The following HRK variants were observed in gnomAD, a reference collection of about 807,000 sequenced individuals.
The protein encoded by HRK is harakiri, BCL2 interacting protein, also known as activator of apoptosis harakiri.
HRK carries 6 observed loss-of-function variants against 5.9 expected under a neutral mutation model. The ratio of observed to expected loss-of-function variants is 1.02; its 90% CI spans 0.56 to 2.01. The LOEUF (loss-of-function observed/expected upper bound fraction) is 2.01, where lower values mean the gene tolerates loss of function less well. Ranked by LOEUF, HRK falls within the 30% of genes most tolerant of loss-of-function variation. The probability of loss-of-function intolerance (pLI) is 0.00; values close to 1 mark genes in which losing one functional copy is unlikely to be tolerated. For missense variants in HRK, 133 were observed against 128.3 expected (o/e 1.04, Z -0.18); for synonymous variants, 85 against 65.1 (o/e 1.31, Z -1.47).
At chr12:116,873,193 T>C (rs1026729223) in intron 1 of HRK, among the ~76,000 whole-genome samples, 3 of 152,240 alleles carry the variant, frequency 2.0e-5, no homozygotes, top group African/African-American at 7.2e-5. Flanking sequence ...CAGAGTGCAG[T>C]GGCACAATCA....
In HRK at chr12:116,860,619, C is replaced by T. The variant is rs1306711147; in HGVS notation, c.*904G>A. On this transcript the variant is annotated 3_prime_UTR_variant, in exon 2 of 2. Transcript: ENST00000257572. ...CTCAATGCCATCCTCCCTCCTAGAC[C>T]CCAAGGTTTGCTCCAAACCACCTCT... 6.6e-6 allele frequency: 1 copy of T among 151,908 alleles called. No homozygotes were observed. The highest frequency in any genetic ancestry group is 2.4e-5 in the African/African-American group (1 of 41,312). 9.4% of individuals were successfully genotyped at this position (151,908 alleles called of 1,614,324 possible).
Position 116,860,233 on chromosome 12 carries a change from AAG to A in HRK, c.*1288_*1289del, listed in dbSNP as rs1316993950. ...AGCAAAAAATAATCACTGCTCCCTG[AAG>A]AGTCTTTGCAGCCAAGTCTCCGTCC... On this transcript the variant is annotated 3_prime_UTR_variant, in exon 2 of 2. Transcript: ENST00000257572. 2 of 152,230 alleles carry A rather than the reference AAG, an allele frequency of 1.3e-5. No homozygotes were observed. The highest frequency in any genetic ancestry group is 4.8e-5 in the African/African-American group (2 of 41,460). 9.4% of individuals were successfully genotyped at this position (152,230 alleles called of 1,614,324 possible).
At chr12:116,870,694 C>T (rs12316109) in intron 1 of HRK, among the ~76,000 whole-genome samples, 4,041 of 152,042 alleles carry the variant, frequency 0.027, 177 homozygotes, top group African/African-American at 0.092. Flanking sequence ...TCTCAGCTAC[C>T]GGAGAGGCAA....
At chr12:116,866,335 T>C (rs550882117) in intron 1 of HRK, among the ~76,000 whole-genome samples, 37 of 150,416 alleles carry the variant, frequency 2.5e-4, no homozygotes, top group Non-Finnish European at 4.1e-4. Flanking sequence ...GGCAGGAGGA[T>C]TGCTTGAGCC....
rs559315674 is a variant in HRK, at chr12:116,859,501, A to T, written c.*2022T>A. 3.3e-5 allele frequency: 5 copies of T among 152,312 alleles called. No homozygotes were observed. Among genetic ancestry groups the T allele is most frequent in the African/African-American group, 9.6e-5 (4 of 41,582 alleles). 9.4% of individuals were successfully genotyped at this position (152,312 alleles called of 1,614,324 possible). A position where few individuals can be genotyped will look rare whatever the true frequency, so the allele number is the denominator to read the frequency against. Reference sequence around the variant, plus strand: ...TATTCTAATGAATTTGCCTTCTCTAAGTTCGTAGCTTTGTGGGAATATTAC... The same window carrying T: ...TATTCTAATGAATTTGCCTTCTCTATGTTCGTAGCTTTGTGGGAATATTAC... On this transcript the variant is annotated 3_prime_UTR_variant, in exon 2 of 2. Transcript: ENST00000257572.
intron 1 of HRK, chr12:116,869,656 C>G (rs1878675247): frequency 6.6e-6 from 1 of 152,204 alleles, no homozygotes; most frequent in Non-Finnish European, 1.5e-5. Context: ...TGAAGCTTCC[C>G]TGCCTCAGCA....
rs1483842843 is a variant in HRK, at chr12:116,881,162, A to C, written c.146T>G (p.Met49Arg). The change falls in exon 1 of 2, where the codon ATG (methionine) becomes AGG (arginine). Residue 49 changes from methionine (M) to arginine (R), a missense_variant. Met to Arg is a moderately conservative substitution (Grantham distance 91). Transcript: ENST00000257572. ...ALGDELHQRT[M>R]WRRRARSRRA... ...CCGGCTCCGCGCGCGGCGCCGCCACATGGTGCGCTGGTGCAGCTCGTCGCC... is the reference window on the plus strand; with the variant it reads ...CCGGCTCCGCGCGCGGCGCCGCCACCTGGTGCGCTGGTGCAGCTCGTCGCC... The C allele has an allele frequency of 6.8e-6, 8 of 1,174,510 alleles. No individual in the cohort carries two copies. The highest frequency in any genetic ancestry group is 1.6e-5 in the African/African-American group (1 of 61,554). The allele number at this position is 1,174,510 out of a possible 1,614,324, so 72.8% of individuals were successfully genotyped here. A position where few individuals can be genotyped will look rare whatever the true frequency, so the allele number is the denominator to read the frequency against.
intron 1 of HRK, among the ~76,000 whole-genome samples, chr12:116,865,439 A>G (rs1013389009): frequency 1.3e-5 from 2 of 152,096 alleles, no homozygotes; most frequent in Non-Finnish European, 2.9e-5. Context: ...AGGCACGAGA[A>G]TCTCTAGAAC....
At position 116,878,184 on chromosome 12, in the gene HRK, G is replaced by A. The variant is rs1467173154; in HGVS notation, c.*56+2792C>T. Among the ~76,000 whole-genome samples the A allele has an allele frequency of 7.9e-5, 12 of 152,184 alleles. No homozygotes were observed. Among genetic ancestry groups the A allele is most frequent in the Admixed American group, 7.9e-4 (12 of 15,284 alleles). On this transcript the variant is annotated intron_variant, in intron 1 of 1. Transcript: ENST00000257572. This position sits in a 1 kb window ranked among gnomAD's most constrained non-coding sequence, Gnocchi z 4.4. ...ACCTGCCTTGGCCTCCCAAAGTGCT[G>A]GAATTACAGGCGTGAGCCAACCTGC...
At chr12:116,870,275 G>A (rs933939119) in intron 1 of HRK, among the ~76,000 whole-genome samples, 2 of 152,190 alleles carry the variant, frequency 1.3e-5, no homozygotes, top group Admixed American at 6.5e-5. Context: ...AAGAATATTA[G>A]ATGAACATGA....
rs1878240653 is a variant in HRK at position 116,858,570 on chromosome 12, A to G, written c.*2953T>C. On this transcript the variant is annotated 3_prime_UTR_variant, in exon 2 of 2. Transcript: ENST00000257572. ...ATCTCAGAGGCCTCCCTCTGCTTGT[A>G]CGGTCACACACACACACACACACAC... 1 of 79,822 alleles carries G rather than the reference A, an allele frequency of 1.3e-5. No homozygotes were observed. Among genetic ancestry groups the G allele is most frequent in the Non-Finnish European group, 2.3e-5 (1 of 42,810 alleles). 4.9% of individuals were successfully genotyped at this position (79,822 alleles called of 1,614,324 possible). A position where few individuals can be genotyped will look rare whatever the true frequency, so the allele number is the denominator to read the frequency against.
At position 116,871,617 on chromosome 12, in the gene HRK, A is replaced by G. The variant is rs1028400196; in HGVS notation, c.*56+9359T>C. Among the ~76,000 whole-genome samples the G allele has an allele frequency of 1.5e-4, 17 of 111,656 alleles. 1 individual carries two copies. In the South Asian group the frequency reaches 2.5e-3, roughly 17 times the overall value. 73.3% of individuals were successfully genotyped at this position (111,656 alleles called of 152,430 possible). On this transcript the variant is annotated intron_variant, in intron 1 of 1. Transcript: ENST00000257572. ...CCGTGCCCAGCCAAAAAAAAAAAAA[A>G]AAGTATTATTATTATTTTTTTTTTT...
intron 1 of HRK, among the ~76,000 whole-genome samples, chr12:116,880,119 C>G (rs1879091090): frequency 6.6e-6 from 1 of 151,804 alleles, no homozygotes; most frequent in Non-Finnish European, 1.5e-5. Flanking sequence ...ACACTAGGTG[C>G]TCAGTACCCA....
intron 1 of HRK, chr12:116,876,603 C>T (rs1258783318): frequency 6.6e-6 from 1 of 152,632 alleles, no homozygotes; most frequent in African/African-American, 2.4e-5. Context: ...AGGCAGATTC[C>T]TCGGCTCCAT....
At chr12:116,872,295 G>C (rs1263429852) in intron 1 of HRK, among the ~76,000 whole-genome samples, 1 of 151,934 alleles carries the variant, frequency 6.6e-6, no homozygotes, top group African/African-American at 2.4e-5. Flanking sequence ...TCTTGAACCT[G>C]GGAGGTGGAG....
At position 116,874,981 on chromosome 12, in the gene HRK, G is replaced by A. The variant is rs539042092; in HGVS notation, c.*56+5995C>T. Among the ~76,000 whole-genome samples, 18 of 152,264 alleles carry A rather than the reference G, an allele frequency of 1.2e-4. 1 individual carries two copies. The South Asian group carries it at 3.1e-3, about 26-fold the overall frequency. On this transcript the variant is annotated intron_variant, in intron 1 of 1. Transcript: ENST00000257572. ...TGTGTGAGCATGGTCAAATATGTCA[G>A]CCTTCCATATAGGTGAGTTCCACAT...
intron 1 of HRK, among the ~76,000 whole-genome samples, chr12:116,869,076 C>T (rs1452985468): frequency 4.6e-5 from 7 of 151,856 alleles, no homozygotes; most frequent in African/African-American, 9.7e-5. Flanking sequence ...TGGGCTCAAG[C>T]GATCCTCCCA....
At chr12:116,872,690 G>A (rs1037649683) in intron 1 of HRK, among the ~76,000 whole-genome samples, 21 of 152,122 alleles carry the variant, frequency 1.4e-4, no homozygotes, top group Middle Eastern at 3.4e-3. Context: ...TGGGAGAGTC[G>A]CTTGAGCCCA....
At chr12:116,880,750 G>A (rs1879115850) in intron 1 of HRK, among the ~76,000 whole-genome samples, 1 of 152,170 alleles carries the variant, frequency 6.6e-6, no homozygotes, top group South Asian at 2.1e-4. Flanking sequence ...ATGCGCTTAA[G>A]GACTCGCAGA....
Sources: gnomAD v4.1 joint callset for allele counts (sites outside exome capture counted in the v4.1 genomes callset) on GRCh38, gnomAD v4.1.1 for gene constraint, Gnocchi (gnomAD v3.1) non-coding constraint, MANE v1.5 for transcripts, NCBI Gene and HGNC (gene_info 2026-07-23, HGNC 2026-07-21) for gene names.